Variants in NCOA2 observed in about 807,000 individuals in gnomAD.
The protein encoded by NCOA2 is nuclear receptor coactivator 2.
In NCOA2, 21 loss-of-function variants were observed where a neutral mutation model predicts 145.1. The ratio of observed to expected loss-of-function variants is 0.14; its 90% CI spans 0.10 to 0.21. The LOEUF (loss-of-function observed/expected upper bound fraction) is 0.21. Among genes scored for constraint, NCOA2 ranks in the 10% least tolerant of loss-of-function variants. The pLI, the probability that NCOA2 is intolerant of heterozygous loss-of-function variation, is 1.00. For synonymous variants in NCOA2, 619 were observed against 637.5 expected, an observed-to-expected ratio of 0.97 and a Z score of 0.44; for missense variants, 1,472 against 1,837.6, an observed-to-expected ratio of 0.80 and a Z score of 3.64.
At chr8:70,152,878 T>G (rs927251021) in intron 11 of NCOA2, among the ~76,000 whole-genome samples, 1 of 152,242 alleles carries the variant, frequency 6.6e-6, no homozygotes, top group African/African-American at 2.4e-5. Flanking sequence ...CAATTCAGAC[T>G]CATTAATAGT....
At chr8:70,366,535 A>G (rs1441661165) in intron 1 of NCOA2, among the ~76,000 whole-genome samples, 2 of 151,168 alleles carry the variant, frequency 1.3e-5, no homozygotes, top group Non-Finnish European at 2.9e-5. Context: ...TATATTTAAT[A>G]TGTATATATT....
chr8:70,243,349 A>G (rs547409310), intron 2 of NCOA2, among the ~76,000 whole-genome samples: 2 of 152,238 alleles, frequency 1.3e-5, no homozygotes, highest in Admixed American at 6.6e-5. Flanking sequence ...CAACAGTCAG[A>G]TAAGTTTTAT....
At chr8:70,207,819 C>T (rs536208427) in intron 4 of NCOA2, among the ~76,000 whole-genome samples, 43 of 138,514 alleles carry the variant, frequency 3.1e-4, no homozygotes, top group Admixed American at 7.1e-4. Flanking sequence ...ACTGAGATGG[C>T]GCCACTGAAC....
chr8:70,226,005 A>G (rs1454770911), intron 2 of NCOA2, among the ~76,000 whole-genome samples: 2 of 152,214 alleles, frequency 1.3e-5, no homozygotes, highest in Non-Finnish European at 2.9e-5. Context: ...TATTTAATAA[A>G]CATAAACTGT....
intron 2 of NCOA2, among the ~76,000 whole-genome samples, chr8:70,248,526 G>A (rs1056279180): frequency 2.0e-5 from 3 of 152,092 alleles, no homozygotes; most frequent in Admixed American, 6.6e-5. Flanking sequence ...CTTTCGAGAC[G>A]CATCCATATT....
chr8:70,398,787 A>C (rs1813937699), intron 1 of NCOA2, among the ~76,000 whole-genome samples: 1 of 152,204 alleles, frequency 6.6e-6, no homozygotes, highest in Non-Finnish European at 1.5e-5. Flanking sequence ...CAGAGAACCA[A>C]CTGAAAATTA....
In NCOA2 at chr8:70,223,836, T is replaced by C. The variant is rs185685983; in HGVS notation, c.-19-7072A>G. ...ATTCTTAACCACTGTAATGTGGGCATTAAAGGGTCCTATACTTTGACACTT... is the reference window on the plus strand; with the variant it reads ...ATTCTTAACCACTGTAATGTGGGCACTAAAGGGTCCTATACTTTGACACTT... On this transcript the variant is annotated intron_variant, in intron 2 of 22. Transcript: ENST00000452400. 2.0e-5 allele frequency among the ~76,000 whole-genome samples: 3 copies of C among 152,358 alleles called. No individual in the cohort carries two copies. The East Asian group carries it at 5.8e-4, about 29-fold the overall frequency.
chr8:70,347,087 G>A (rs1365708106), intron 1 of NCOA2, among the ~76,000 whole-genome samples: 8 of 152,202 alleles, frequency 5.3e-5, no homozygotes, highest in Admixed American at 4.6e-4. Context: ...AACAAACTAC[G>A]ATAGTGGGAT....
chr8:70,140,571 A>C (rs1013839633), intron 14 of NCOA2, among the ~76,000 whole-genome samples: 3 of 150,822 alleles, frequency 2.0e-5, no homozygotes, highest in Non-Finnish European at 4.4e-5. Context: ...ACAGCGTTAG[A>C]AACTACTGCT....
chr8:70,326,453 GCACACACA>G (rs142047406), intron 1 of NCOA2, among the ~76,000 whole-genome samples: 8 of 143,872 alleles, frequency 5.6e-5, no homozygotes, highest in African/African-American at 2.0e-4. Context: ...ACACACACGT[GCACACACA>G]CACACACACA....
At chr8:70,208,265 T>C (rs1356727467) in intron 4 of NCOA2, among the ~76,000 whole-genome samples, 5 of 151,112 alleles carry the variant, frequency 3.3e-5, no homozygotes, top group African/African-American at 1.2e-4. Context: ...GAAAATTCTA[T>C]GAGAAGATGC....
rs531406242 is a variant in NCOA2 at position 70,399,247 on chromosome 8, C to T, written c.-77+4453G>A. 6.3e-4 allele frequency among the ~76,000 whole-genome samples: 96 copies of T among 152,198 alleles called. 1 individual carries two copies. The highest frequency in any genetic ancestry group is 2.3e-3 in the African/African-American group (95 of 41,518). On this transcript the variant is annotated intron_variant, in intron 1 of 22. Transcript: ENST00000452400. ...TTTACAGCTTGCAATTCATAAAGCC[C>T]TACTAGAAGCCTTTAAAAACAAAAA...
chr8:70,429,986 G>T, the NCOA2 span, among the ~76,000 whole-genome samples: 2 of 152,128 alleles, frequency 1.3e-5, no homozygotes, highest in Non-Finnish European at 2.9e-5. Flanking sequence ...CCGAGCAGCA[G>T]GGATTACAGG....
intron 1 of NCOA2, among the ~76,000 whole-genome samples, chr8:70,319,445 G>T (rs1231694027): frequency 1.3e-5 from 2 of 152,006 alleles, no homozygotes; most frequent in Non-Finnish European, 2.9e-5. Flanking sequence ...GGGAGGCTGA[G>T]GTGGGAGGAT....
intron 2 of NCOA2, among the ~76,000 whole-genome samples, chr8:70,219,226 G>C (rs1274298386): frequency 6.6e-6 from 1 of 152,032 alleles, no homozygotes; most frequent in African/African-American, 2.4e-5. Flanking sequence ...ACTCAAGGTT[G>C]GCTTAAAAAC....
intron 4 of NCOA2, among the ~76,000 whole-genome samples, chr8:70,193,919 G>A (rs897212754): frequency 2.0e-5 from 3 of 152,160 alleles, no homozygotes; most frequent in African/African-American, 4.8e-5. Flanking sequence ...ATGAATGTAC[G>A]GGAAGCAGCA....
At chr8:70,297,011 T>C (rs781510826) in intron 1 of NCOA2, among the ~76,000 whole-genome samples, 1 of 152,242 alleles carries the variant, frequency 6.6e-6, no homozygotes, top group Non-Finnish European at 1.5e-5. Context: ...TACAAGGTAA[T>C]GTAAAATATA....
At chr8:70,318,757 T>C (rs916228519) in intron 1 of NCOA2, among the ~76,000 whole-genome samples, 1 of 151,992 alleles carries the variant, frequency 6.6e-6, no homozygotes, top group Non-Finnish European at 1.5e-5. Context: ...AGGGAGACCC[T>C]GTCTCAAAAG....
intron 15 of NCOA2, among the ~76,000 whole-genome samples, chr8:70,134,641 C>T (rs1809523839): frequency 6.6e-6 from 1 of 152,168 alleles, no homozygotes; most frequent in East Asian, 1.9e-4. Context: ...TGTCTCGTGC[C>T]TTTGTAAGAC....
Sources: gnomAD v4.1 joint callset for allele counts (sites outside exome capture counted in the v4.1 genomes callset) on GRCh38, gnomAD v4.1.1 for gene constraint, MANE v1.5 for transcripts, NCBI Gene and HGNC (gene_info 2026-07-23, HGNC 2026-07-21) for gene names.